TRAK2: variants seen among roughly 807,000 people sequenced by gnomAD.
The protein encoded by TRAK2 is trafficking kinesin protein 2, also known as trafficking kinesin-binding protein 2.
Under a neutral mutation model 104.6 loss-of-function variants are expected in TRAK2, and 81 were observed. That is an observed-to-expected ratio of 0.77 (90% CI 0.65 to 0.93). The LOEUF is 0.93. Ranked by LOEUF, TRAK2 falls within the 40% of genes least tolerant of loss-of-function variation. TRAK2 has a pLI of 0.00. For synonymous variants in TRAK2, 406 were observed against 394.4 expected, an observed-to-expected ratio of 1.03 and a Z score of -0.35; for missense variants, 1,002 against 1,089.0, an observed-to-expected ratio of 0.92 and a Z score of 1.12.
At chr2:201,423,037 C>CCACCACACACACACACA (rs776613893) in intron 1 of TRAK2, among the ~76,000 whole-genome samples, 10 of 134,150 alleles carry the variant, frequency 7.5e-5, no homozygotes, top group African/African-American at 2.8e-4. Flanking sequence ...AACACCACCA[C>CCACCACACACACACACA]CACACACACA....
intron 1 of TRAK2, among the ~76,000 whole-genome samples, chr2:201,433,277 C>T (rs16837555): frequency 0.032 from 4,927 of 152,290 alleles, 422 homozygotes; most frequent in East Asian, 0.25. Flanking sequence ...TATCCAGCTG[C>T]ACCGATGCCG....
At chr2:201,426,807 G>A (rs984064124) in intron 1 of TRAK2, among the ~76,000 whole-genome samples, 26 of 152,182 alleles carry the variant, frequency 1.7e-4, no homozygotes, top group Admixed American at 1.3e-3. Flanking sequence ...TCTTCCTGGA[G>A]ACTTTTTAGA....
In TRAK2 at chr2:201,380,053, CAT is replaced by C. The variant is rs1296914760; in HGVS notation, c.*488_*489del. The stretch of plus-strand genomic sequence containing the variant: ...TTTAACCAGATATTAACAGGGGAAA[CAT>C]ATAAGCCATCTCACTATTGTCTCAG... On this transcript the variant is annotated 3_prime_UTR_variant, in exon 16 of 16. Transcript: ENST00000332624. 3.1e-5 allele frequency: 5 copies of C among 162,358 alleles called. No homozygotes were observed. The highest frequency in any genetic ancestry group is 1.7e-4 in the Admixed American group (3 of 17,758). The allele number at this position is 162,358 out of a possible 1,614,324, so 10.1% of individuals were successfully genotyped here. A position where few individuals can be genotyped will look rare whatever the true frequency, so the allele number is the denominator to read the frequency against.
chr2:201,382,020 T>C (rs1195345014), intron 15 of TRAK2, among the ~76,000 whole-genome samples: 1 of 152,180 alleles, frequency 6.6e-6, no homozygotes, highest in Non-Finnish European at 1.5e-5. Flanking sequence ...GCCCTGTAAA[T>C]CTTGCAGTTT....
At chr2:201,388,358 C>T (rs1951411582) in intron 12 of TRAK2, among the ~76,000 whole-genome samples, 1 of 151,796 alleles carries the variant, frequency 6.6e-6, no homozygotes, top group Non-Finnish European at 1.5e-5. Flanking sequence ...TCATAGATTG[C>T]AAGAGGTACC....
At chr2:201,418,315 G>A (rs1285352296) in intron 2 of TRAK2, among the ~76,000 whole-genome samples, 1 of 152,158 alleles carries the variant, frequency 6.6e-6, no homozygotes. Context: ...TAGTAGCTGG[G>A]ACTACAGGTG....
At chr2:201,398,733 C>T (rs1302149225) in intron 5 of TRAK2, among the ~76,000 whole-genome samples, 7 of 152,084 alleles carry the variant, frequency 4.6e-5, no homozygotes. Flanking sequence ...CTACTTCAAA[C>T]TCTTATCATA....
intron 1 of TRAK2, among the ~76,000 whole-genome samples, chr2:201,442,321 G>A (rs1168703800): frequency 2.6e-5 from 4 of 151,678 alleles, no homozygotes; most frequent in African/African-American, 9.7e-5. Flanking sequence ...AACCCAGGGG[G>A]CGGAGCCTGC....
intron 6 of TRAK2, 69 bp downstream of exon 6, chr2:201,398,075 CT>C: frequency 1.4e-6 from 2 of 1,432,666 alleles, no homozygotes; most frequent in Non-Finnish European, 2.0e-6. Flanking sequence ...CATATTTCAC[CT>C]CAATAGTACC....
chr2:201,393,764 C>G (rs1951471000), intron 9 of TRAK2, among the ~76,000 whole-genome samples: 1 of 152,256 alleles, frequency 6.6e-6, no homozygotes, highest in Admixed American at 6.5e-5. Flanking sequence ...TTCCCCCTCC[C>G]TCCTACAAGA....
chr2:201,389,213 G>C, intron 12 of TRAK2, 87 bp downstream of exon 12: 1 of 1,263,934 alleles, frequency 7.9e-7, no homozygotes, highest in Non-Finnish European at 1.2e-6. Flanking sequence ...TCTTGGGACA[G>C]TAGAGTAATG....
chr2:201,440,782 C>G (rs1335618255), intron 1 of TRAK2, among the ~76,000 whole-genome samples: 12 of 152,194 alleles, frequency 7.9e-5, no homozygotes, highest in Admixed American at 7.9e-4. Context: ...TCCTACTGCT[C>G]AAGGTCATCG....
At chr2:201,415,557 A>G (rs1951684438) in intron 2 of TRAK2, among the ~76,000 whole-genome samples, 1 of 152,162 alleles carries the variant, frequency 6.6e-6, no homozygotes, top group Non-Finnish European at 1.5e-5. Context: ...TAAAAACCCA[A>G]ATAGAACTAG....
chr2:201,381,815 T>C (rs1044109507), intron 15 of TRAK2, among the ~76,000 whole-genome samples: 1 of 152,192 alleles, frequency 6.6e-6, no homozygotes, highest in East Asian at 1.9e-4. Flanking sequence ...GAAATGTTAA[T>C]TTCAAACAAT....
rs1407319522 is a variant in TRAK2 at position 201,378,299 on chromosome 2, TA to T, written c.*2243del. On this transcript the variant is annotated 3_prime_UTR_variant, in exon 16 of 16. Transcript: ENST00000332624. ...GCCTCCAAAGTGATCATTTAGTCAT[TA>T]ATTATAAAAAAGTATACAAATTATA... 1 of 152,166 alleles carries T rather than the reference TA, an allele frequency of 6.6e-6. No individual in the cohort carries two copies. Among genetic ancestry groups the T allele is most frequent in the African/African-American group, 2.4e-5 (1 of 41,436 alleles). The allele number at this position is 152,166 out of a possible 1,614,324, so 9.4% of individuals were successfully genotyped here.
Position 201,389,847 on chromosome 2 carries a change from G to C in TRAK2, c.1147C>G (p.Arg383Gly), listed in dbSNP as rs370034512. 3 of 1,613,610 alleles carry C rather than the reference G, an allele frequency of 1.9e-6. No individual in the cohort carries two copies. Among genetic ancestry groups the C allele is most frequent in the East Asian group, 4.5e-5 (2 of 44,866 alleles). Residue 383 changes from arginine (R) to glycine (G), a missense_variant, in exon 11 of 16, where the codon CGT becomes GGT. Physicochemically the swap from Arg to Gly is moderately radical, Grantham distance 125. Coordinates refer to ENST00000332624, the MANE Select transcript of TRAK2 (RefSeq NM_015049.3). ...SLAAEIEGTM[R>G]KKLSLDEESS... ...TCCTCATCCAAACTCAGCTTTTTAC[G>C]CATAGTCCCCTCAATCTCAGCTGCC...
At chr2:201,414,181 C>G (rs759090186) in intron 2 of TRAK2, among the ~76,000 whole-genome samples, 2 of 152,154 alleles carry the variant, frequency 1.3e-5, no homozygotes, top group Non-Finnish European at 2.9e-5. Flanking sequence ...ACCCCCATCT[C>G]TGAACAAACT....
Position 201,389,877 on chromosome 2 carries a change from A to T in TRAK2, c.1117T>A (p.Ser373Thr). The change falls in exon 11 of 16, where the codon TCT (serine) becomes ACT (threonine). Residue 373 changes from serine (S) to threonine (T), a missense_variant. Physicochemically the swap from Ser to Thr is moderately conservative, Grantham distance 58. Coordinates refer to ENST00000332624, the MANE Select transcript of TRAK2 (RefSeq NM_015049.3). ...SQSYGAFTGE[S>T]LAAEIEGTMR... ...GTCCCCTCAATCTCAGCTGCCAAAG[A>T]TTCCTAAGAAAAAGAGTTTGAGATT... 6.2e-7 allele frequency: 1 copy of T among 1,612,842 alleles called. No individual in the cohort carries two copies. Among genetic ancestry groups the T allele is most frequent in the Non-Finnish European group, 8.5e-7 (1 of 1,179,456 alleles).
At chr2:201,443,759 C>T (rs1951943696) in intron 1 of TRAK2, among the ~76,000 whole-genome samples, 2 of 152,176 alleles carry the variant, frequency 1.3e-5, no homozygotes, top group Non-Finnish European at 2.9e-5. Flanking sequence ...TCTCTTCCAC[C>T]ATCCTAGTTC....
Sources: gnomAD v4.1 joint callset for allele counts (sites outside exome capture counted in the v4.1 genomes callset) on GRCh38, gnomAD v4.1.1 for gene constraint, MANE v1.5 for transcripts, NCBI Gene and HGNC (gene_info 2026-07-23, HGNC 2026-07-21) for gene names.